Variants in TANC2 observed in about 807,000 individuals in gnomAD.
The protein encoded by TANC2 is tetratricopeptide repeat, ankyrin repeat and coiled-coil containing 2.
A neutral mutation model predicts 210.5 loss-of-function variants in TANC2; 26 were observed. The observed-to-expected ratio is 0.12, with a 90% CI of 0.09 to 0.17. The LOEUF (loss-of-function observed/expected upper bound fraction) is 0.17, where lower values mean the gene tolerates loss of function less well. Ranked by LOEUF, TANC2 falls within the 10% of genes least tolerant of loss-of-function variation. The pLI, the probability that TANC2 is intolerant of heterozygous loss-of-function variation, is 1.00. For synonymous variants in TANC2, 931 were observed against 967.1 expected (o/e 0.96, Z 0.69); for missense variants, 2,129 against 2,608.9 (o/e 0.82, Z 4.01).
At chr17:63,077,153 G>A (rs1223477694) in intron 3 of TANC2, among the ~76,000 whole-genome samples, 2 of 152,046 alleles carry the variant, frequency 1.3e-5, no homozygotes, top group Non-Finnish European at 2.9e-5. Flanking sequence ...GGGGGTGGGA[G>A]GGAATGAGTT....
chr17:63,317,509 T>C (rs911820790), intron 10 of TANC2, among the ~76,000 whole-genome samples: 6 of 152,212 alleles, frequency 3.9e-5, no homozygotes, highest in African/African-American at 1.4e-4. Flanking sequence ...ACCTGTTGTA[T>C]AATTCAGGAT....
chr17:63,374,306 G>T (rs1366947538), intron 14 of TANC2, among the ~76,000 whole-genome samples: 1 of 152,054 alleles, frequency 6.6e-6, no homozygotes, highest in Non-Finnish European at 1.5e-5. Context: ...CCAAAGTGCT[G>T]GGATTACAGG....
intron 11 of TANC2, among the ~76,000 whole-genome samples, chr17:63,324,875 A>G (rs2045597531): frequency 6.6e-6 from 1 of 152,202 alleles, no homozygotes; most frequent in African/African-American, 2.4e-5. Flanking sequence ...AAGAAATTCT[A>G]GTCAATTCTC....
At chr17:63,011,862 A>AT (rs1430518472) in intron 2 of TANC2, among the ~76,000 whole-genome samples, 3 of 149,324 alleles carry the variant, frequency 2.0e-5, no homozygotes, top group Non-Finnish European at 4.5e-5. Context: ...TTATTCAGAC[A>AT]TTTTTTTTTC....
At chr17:63,125,210 G>A (rs2145171705) in intron 4 of TANC2, 1 of 152,282 alleles carries the variant, frequency 6.6e-6, no homozygotes, top group Non-Finnish European at 1.5e-5. Context: ...TTCCTCATCT[G>A]TGAAATGAGT....
chr17:63,263,906 A>T (rs1598734093), intron 8 of TANC2, among the ~76,000 whole-genome samples: 1 of 152,248 alleles, frequency 6.6e-6, no homozygotes, highest in Non-Finnish European at 1.5e-5. Flanking sequence ...ATCGACAGGT[A>T]TATCACTCTG....
chr17:63,232,369 A>G (rs1454507629), intron 7 of TANC2, among the ~76,000 whole-genome samples: 2 of 152,166 alleles, frequency 1.3e-5, no homozygotes, highest in Non-Finnish European at 2.9e-5. Flanking sequence ...TTTTTCATTG[A>G]TTCTTTCTCA....
At chr17:63,290,871 T>TCA (rs1285699854) in intron 9 of TANC2, among the ~76,000 whole-genome samples, 1 of 152,200 alleles carries the variant, frequency 6.6e-6, no homozygotes, top group Non-Finnish European at 1.5e-5. Flanking sequence ...CAATGCATAT[T>TCA]GTACTTACAA....
intron 5 of TANC2, among the ~76,000 whole-genome samples, chr17:63,190,812 C>T (rs1035527365): frequency 6.6e-6 from 1 of 152,192 alleles, no homozygotes; most frequent in Non-Finnish European, 1.5e-5. Context: ...AAAGACCAGA[C>T]AATCTTTAAA....
chr17:63,079,204 A>G (rs1165434796), intron 3 of TANC2, among the ~76,000 whole-genome samples: 2 of 152,196 alleles, frequency 1.3e-5, no homozygotes, highest in Non-Finnish European at 2.9e-5. Flanking sequence ...ACGCAGTCCC[A>G]TATAGAGGCC....
In TANC2 at chr17:63,139,715, A is replaced by T. The variant is rs111772695; in HGVS notation, c.323-11555A>T. ...CAAGGAGTTTGAGATCAGCCTGGGC[A>T]ACATAGTGAGACCCTGTCTGTACAA... On this transcript the variant is annotated intron_variant, in intron 4 of 27. Transcript: ENST00000689528. Among the ~76,000 whole-genome samples, 1,298 of 152,290 alleles carry T rather than the reference A, an allele frequency of 8.5e-3. 16 individuals are homozygous for T. Among genetic ancestry groups the T allele is most frequent in the African/African-American group, 0.029 (1,189 of 41,564 alleles).
chr17:63,252,639 A>G (rs760162944), intron 8 of TANC2, among the ~76,000 whole-genome samples: 6 of 152,052 alleles, frequency 3.9e-5, no homozygotes, highest in Non-Finnish European at 8.8e-5. Flanking sequence ...GAGAACATAC[A>G]AAGTTTGTCT....
chr17:63,358,887 C>G (rs2046867223), intron 14 of TANC2, among the ~76,000 whole-genome samples: 1 of 151,884 alleles, frequency 6.6e-6, no homozygotes, highest in African/African-American at 2.4e-5. Flanking sequence ...CTGAATAAAT[C>G]TCCACTCTGT....
chr17:63,421,436 G>A lies in TANC2; in HGVS notation c.5706G>A (p.Arg1902=). ...TCCCACTGAAACCTGCATATGAGAGGTCATGTGACGAGCTGTCGCCAGTGT... is the reference window on the plus strand; with the variant it reads ...TCCCACTGAAACCTGCATATGAGAGATCATGTGACGAGCTGTCGCCAGTGT... The change falls in exon 28 of 28, where the codon AGG becomes AGA. Residue 1902 remains arginine, a synonymous_variant. Transcript: ENST00000689528. The surrounding 1 kb of genome is among the most constrained non-coding windows in gnomAD (Gnocchi z 6.9). 2.5e-6 allele frequency: 4 copies of A among 1,613,986 alleles called. No homozygotes were observed. Among genetic ancestry groups the A allele is most frequent in the Non-Finnish European group, 3.4e-6 (4 of 1,179,890 alleles).
chr17:63,345,202 A>G (rs145612612), intron 12 of TANC2, among the ~76,000 whole-genome samples: 2 of 152,384 alleles, frequency 1.3e-5, no homozygotes, highest in African/African-American at 4.8e-5. Context: ...AAAGATGTGT[A>G]AGACTTAGTG....
chr17:63,369,331 C>A (rs1195353054), intron 14 of TANC2, among the ~76,000 whole-genome samples: 1 of 152,050 alleles, frequency 6.6e-6, no homozygotes, highest in Non-Finnish European at 1.5e-5. Context: ...GGGAATCTAT[C>A]GATGATACCA....
chr17:62,977,017 G>A (rs2032042978), intron 1 of TANC2, among the ~76,000 whole-genome samples: 1 of 152,206 alleles, frequency 6.6e-6, no homozygotes, highest in South Asian at 2.1e-4. Flanking sequence ...GGTTATAAAT[G>A]ACCCTGTCTC....
At chr17:63,082,947 C>T (rs1339814724) in intron 3 of TANC2, among the ~76,000 whole-genome samples, 1 of 152,196 alleles carries the variant, frequency 6.6e-6, no homozygotes, top group Non-Finnish European at 1.5e-5. Flanking sequence ...AGAGATACAG[C>T]CAAATTCTTT....
At chr17:63,267,947 T>C (rs772533290) in intron 9 of TANC2, 74 bp downstream of exon 9, 26 of 1,512,656 alleles carry the variant, frequency 1.7e-5, no homozygotes, top group Non-Finnish European at 2.2e-5. Flanking sequence ...AGTTGCTTTG[T>C]CTCCTATTCC....
Sources: gnomAD v4.1 joint callset for allele counts (sites outside exome capture counted in the v4.1 genomes callset) on GRCh38, gnomAD v4.1.1 for gene constraint, Gnocchi (gnomAD v3.1) non-coding constraint, MANE v1.5 for transcripts, NCBI Gene and HGNC (gene_info 2026-07-23, HGNC 2026-07-21) for gene names.